Variants in SLC25A53 observed in about 807,000 individuals in gnomAD.
SLC25A53 encodes the protein mitochondrial carrier triple repeat protein 6.
A neutral mutation model predicts 15.0 loss-of-function variants in SLC25A53; 5 were observed. The ratio of observed to expected loss-of-function variants is 0.33; its 90% CI spans 0.17 to 0.70. The LOEUF (loss-of-function observed/expected upper bound fraction) is 0.70, where lower values mean the gene tolerates loss of function less well. Among genes scored for constraint, SLC25A53 ranks in the 30% least tolerant of loss-of-function variants. SLC25A53 has a pLI of 0.67. For synonymous variants in SLC25A53, 95 were observed against 100.0 expected (o/e 0.95, Z 0.30); for missense variants, 216 against 241.6 (o/e 0.89, Z 0.70).
At chrX:104,155,525 T>A (rs1400274378) in intron 1 of SLC25A53, among the ~76,000 whole-genome samples, 4 of 111,758 alleles carry the variant, frequency 3.6e-5, no homozygotes, top group Non-Finnish European at 7.5e-5. Context: ...GTTGTTTCTC[T>A]GGTAAACAAA....
intron 1 of SLC25A53, among the ~76,000 whole-genome samples, chrX:104,129,860 A>ATGTGTGTGTGTGTGTGTG (rs60729916): frequency 1.1e-5 from 1 of 89,996 alleles, no homozygotes; most frequent in African/African-American, 4.1e-5. Flanking sequence ...ACACAAATGT[A>ATGTGTGTGTGTGTGTGTG]TGTGTGTGTG....
At position 104,114,832 on chromosome X, in the gene SLC25A53, A is replaced by G. The variant is rs782676429; in HGVS notation, c.-31-9544T>C. The stretch of plus-strand genomic sequence containing the variant: ...GAAAAGGTCTGAGCCAATAATGGAG[A>G]GGGCAGCCAGCCCTGTGGCATTTCA... On this transcript the variant is annotated intron_variant, in intron 1 of 1. Coordinates refer to ENST00000594199, the MANE Select transcript of SLC25A53 (RefSeq NM_001012755.5). 70 of 1,208,427 alleles carry G rather than the reference A, an allele frequency of 5.8e-5. No individual in the cohort carries two copies. In the Admixed American group the frequency reaches 7.9e-4, roughly 14 times the overall value.
At chrX:104,137,944 T>C (rs2075441005) in intron 1 of SLC25A53, among the ~76,000 whole-genome samples, 2 of 112,264 alleles carry the variant, frequency 1.8e-5, no homozygotes, top group South Asian at 7.3e-4. Flanking sequence ...CTTCCTAACA[T>C]GATGGAGACA....
intron 1 of SLC25A53, among the ~76,000 whole-genome samples, chrX:104,139,818 A>T (rs2075446312): frequency 8.9e-6 from 1 of 112,685 alleles, no homozygotes. Flanking sequence ...GTCTCAATAA[A>T]TAAATAAATA....
chrX:104,127,260 T>C (rs1049145526), intron 1 of SLC25A53, among the ~76,000 whole-genome samples: 22 of 112,298 alleles, frequency 2.0e-4, no homozygotes, highest in African/African-American at 6.2e-4. Context: ...CTACATTGTA[T>C]AGGACTCTAT....
At chrX:104,135,035 T>C (rs2075433364) in intron 1 of SLC25A53, among the ~76,000 whole-genome samples, 1 of 111,198 alleles carries the variant, frequency 9.0e-6, no homozygotes, top group African/African-American at 3.3e-5. Context: ...ACTTCCTACC[T>C]GCCTCTAAAG....
chrX:104,112,513 G>T (rs1224695364), intron 1 of SLC25A53: 54 of 113,829 alleles, frequency 4.7e-4, no homozygotes, highest in African/African-American at 1.7e-3. Context: ...CGCGTCGCCC[G>T]GCCCGTCACG....
rs782360104 is a variant in SLC25A53, at chrX:104,147,557, A to G, written c.-32+9321T>C. ...AATTTTTGCAACCTACTCATCTGAC[A>G]AAGGGCTAATATCCAGAATGTACAA... On this transcript the variant is annotated intron_variant, in intron 1 of 1. Coordinates refer to ENST00000594199, the MANE Select transcript of SLC25A53 (RefSeq NM_001012755.5). Among the ~76,000 whole-genome samples the G allele has an allele frequency of 4.1e-3, 417 of 102,383 alleles. 1 individual carries two copies. The South Asian group carries it at 0.047, about 12-fold the overall frequency. 88.9% of individuals were successfully genotyped at this position (102,383 alleles called of 115,157 possible). A position where few individuals can be genotyped will look rare whatever the true frequency, so the allele number is the denominator to read the frequency against.
intron 1 of SLC25A53, among the ~76,000 whole-genome samples, chrX:104,142,433 C>T (rs2075453323): frequency 8.9e-6 from 1 of 112,003 alleles, no homozygotes; most frequent in African/African-American, 3.2e-5. Flanking sequence ...AACACTAACG[C>T]TAGCCACGTG....
intron 1 of SLC25A53, chrX:104,114,077 T>C: frequency 1.7e-6 from 2 of 1,210,878 alleles, no homozygotes; most frequent in Non-Finnish European, 2.2e-6. Flanking sequence ...AGCGCGAGCA[T>C]CTTGTTGTAT....
intron 1 of SLC25A53, among the ~76,000 whole-genome samples, chrX:104,135,315 A>C (rs2075433949): frequency 9.3e-6 from 1 of 107,713 alleles, no homozygotes; most frequent in Non-Finnish European, 1.9e-5. Flanking sequence ...CCAGATTTTC[A>C]CTCCTAACCT....
At position 104,103,981 on chromosome X, in the gene SLC25A53, G is replaced by T; in HGVS notation, c.*353C>A. On this transcript the variant is annotated 3_prime_UTR_variant, in exon 2 of 2. Transcript: ENST00000594199. ...TTTGGTCTGGAGGACACCTAGAGGG[G>T]TCCCAGAGCTCAGAGTGCCTAAGTA... 5.7e-6 allele frequency: 1 copy of T among 174,950 alleles called. No individual in the cohort carries two copies. Among genetic ancestry groups the T allele is most frequent in the Non-Finnish European group, 1.1e-5 (1 of 92,003 alleles). The allele number at this position is 174,950 out of a possible 1,213,427, so 14.4% of individuals were successfully genotyped here. A position where few individuals can be genotyped will look rare whatever the true frequency, so the allele number is the denominator to read the frequency against.
At chrX:104,140,864 G>T (rs1182273431) in intron 1 of SLC25A53, among the ~76,000 whole-genome samples, 1 of 111,547 alleles carries the variant, frequency 9.0e-6, no homozygotes, top group Non-Finnish European at 1.9e-5. Flanking sequence ...TGAAGAGACA[G>T]GAGAAGGCCA....
At chrX:104,137,594 C>T (rs1339720065) in intron 1 of SLC25A53, among the ~76,000 whole-genome samples, 2 of 111,522 alleles carry the variant, frequency 1.8e-5, no homozygotes, top group African/African-American at 6.5e-5. Context: ...TCTGAGTTCC[C>T]TGAAAACCTG....
At chrX:104,118,609 A>T (rs2075384793) in intron 1 of SLC25A53, among the ~76,000 whole-genome samples, 1 of 112,784 alleles carries the variant, frequency 8.9e-6, no homozygotes, top group Non-Finnish European at 1.9e-5. Flanking sequence ...AATTACTATT[A>T]ATTGACACAT....
rs782197527 is a variant in SLC25A53 at position 104,111,011 on chromosome X, A to G, written c.-31-5723T>C. ...ACGGAGTCCAGATTCTTTGCATACA[A>G]TTCCAGGAAGGACCTCGGGTAGGAA... On this transcript the variant is annotated intron_variant, in intron 1 of 1. Coordinates refer to ENST00000594199, the MANE Select transcript of SLC25A53 (RefSeq NM_001012755.5). Among the ~76,000 whole-genome samples the G allele has an allele frequency of 5.4e-3, 605 of 112,577 alleles. 7 individuals are homozygous for G. The highest frequency in any genetic ancestry group is 0.017 in the African/African-American group (536 of 30,713).
intron 1 of SLC25A53, chrX:104,114,186 G>C: frequency 8.3e-7 from 1 of 1,209,696 alleles, no homozygotes; most frequent in Non-Finnish European, 1.1e-6. Flanking sequence ...CCCATTCCAT[G>C]TTGAGGTCTC....
intron 1 of SLC25A53, among the ~76,000 whole-genome samples, chrX:104,138,449 G>T (rs1459412589): frequency 3.6e-5 from 4 of 112,499 alleles, no homozygotes; most frequent in Non-Finnish European, 7.5e-5. Context: ...GGAGCATACA[G>T]ATGGGCTGGG....
At chrX:104,132,170 T>C (rs782271657) in intron 1 of SLC25A53, among the ~76,000 whole-genome samples, 2 of 112,580 alleles carry the variant, frequency 1.8e-5, no homozygotes, top group Non-Finnish European at 3.7e-5. Flanking sequence ...ACATTTACTA[T>C]AATACACTCA....
Sources: gnomAD v4.1 joint callset for allele counts (sites outside exome capture counted in the v4.1 genomes callset) on GRCh38, gnomAD v4.1.1 for gene constraint, MANE v1.5 for transcripts, NCBI Gene and HGNC (gene_info 2026-07-23, HGNC 2026-07-21) for gene names.